The following CADM1 variants were observed in gnomAD, a reference collection of about 807,000 sequenced individuals.
CADM1 encodes cell adhesion molecule 1.
A neutral mutation model predicts 53.1 loss-of-function variants in CADM1; 15 were observed. That is an observed-to-expected ratio of 0.28 (90% CI 0.19 to 0.44). The LOEUF is 0.44. Among genes scored for constraint, CADM1 ranks in the 20% least tolerant of loss-of-function variants. The probability of loss-of-function intolerance (pLI) is 1.00; values close to 1 mark genes in which losing one functional copy is unlikely to be tolerated. For synonymous variants in CADM1, 281 were observed against 243.0 expected (o/e 1.16, Z -1.45); for missense variants, 434 against 611.3 (o/e 0.71, Z 3.06).
At chr11:115,249,846 C>G (rs1185066294) in intron 1 of CADM1, among the ~76,000 whole-genome samples, 1 of 152,182 alleles carries the variant, frequency 6.6e-6, no homozygotes, top group Non-Finnish European at 1.5e-5. Context: ...TTAATGGATA[C>G]TTCTCAATCC....
At chr11:115,228,770 G>A (rs904685108) in intron 5 of CADM1, among the ~76,000 whole-genome samples, 1 of 152,020 alleles carries the variant, frequency 6.6e-6, no homozygotes, top group Non-Finnish European at 1.5e-5. Context: ...AAAAACTTCA[G>A]TACTTATGAT....
At chr11:115,249,777 G>GA (rs1041358413) in intron 1 of CADM1, among the ~76,000 whole-genome samples, 8 of 152,068 alleles carry the variant, frequency 5.3e-5, no homozygotes, top group African/African-American at 1.9e-4. Context: ...CCAAATTAAG[G>GA]AAAAATTTAG....
At chr11:115,345,015 A>G (rs963286599) in intron 1 of CADM1, among the ~76,000 whole-genome samples, 1 of 152,252 alleles carries the variant, frequency 6.6e-6, no homozygotes. Context: ...CTCTCTCATC[A>G]AACAAAGTAT....
chr11:115,250,721 T>C (rs1942575972), intron 1 of CADM1, among the ~76,000 whole-genome samples: 2 of 152,240 alleles, frequency 1.3e-5, no homozygotes, highest in Admixed American at 6.5e-5. Context: ...GCTTCTTTTT[T>C]TTCCCTTTCT....
At chr11:115,405,960 G>T (rs1229432536) in intron 1 of CADM1, among the ~76,000 whole-genome samples, 1 of 152,188 alleles carries the variant, frequency 6.6e-6, no homozygotes, top group Non-Finnish European at 1.5e-5. Flanking sequence ...ATGTGACAAA[G>T]CTAGGCGTGG....
At chr11:115,238,390 T>C in intron 3 of CADM1, 110 bp downstream of exon 3, 1 of 1,215,822 alleles carries the variant, frequency 8.2e-7, no homozygotes, top group Non-Finnish European at 1.2e-6. Flanking sequence ...GCGGTGATTC[T>C]TCCTGAAACA....
chr11:115,297,527 A>AT lies in CADM1; in HGVS notation c.125-57108dup, dbSNP rs1395671373. 4.6e-5 allele frequency among the ~76,000 whole-genome samples: 7 copies of AT among 152,296 alleles called. No individual in the cohort carries two copies. The East Asian group carries it at 1.4e-3, about 29-fold the overall frequency. On this transcript the variant is annotated intron_variant, in intron 1 of 11. Transcript: ENST00000331581. ...TGCCAGCTAGTCAAAGCCGCTTGGC[A>AT]TTTTTTCCTGTTGATTAAGCCACAG...
intron 10 of CADM1, among the ~76,000 whole-genome samples, chr11:115,189,045 C>T (rs191525414): frequency 1.2e-4 from 18 of 152,256 alleles, no homozygotes; most frequent in Admixed American, 5.2e-4. Context: ...AAAGGCAGCC[C>T]GGCCCAGCCT....
Position 115,229,254 on chromosome 11 carries a change from C to G in CADM1, c.580G>C (p.Glu194Gln). ...TELKGKSEVE[E>Q]WSDMYTVTSQ... is the part of the protein sequence containing the mutation. ...GTCACAGTGTACATGTCTGACCACT[C>G]TTCCACCTCCGATTTGCCTGGGGAA... The change falls in exon 5 of 12, where the codon GAG (glutamate) becomes CAG (glutamine). Residue 194 changes from glutamate to glutamine, a missense_variant. Coordinates refer to ENST00000331581, the MANE Select transcript of CADM1 (RefSeq NM_001301043.2). The G allele has an allele frequency of 6.2e-7, 1 of 1,614,106 alleles. No individual in the cohort carries two copies. The highest frequency in any genetic ancestry group is 8.5e-7 in the Non-Finnish European group (1 of 1,179,972).
intron 1 of CADM1, among the ~76,000 whole-genome samples, chr11:115,310,330 G>A (rs1340746774): frequency 6.6e-6 from 1 of 151,974 alleles, no homozygotes; most frequent in Non-Finnish European, 1.5e-5. Context: ...CTTAAACAGA[G>A]TGAAAAAAAT....
intron 9 of CADM1, chr11:115,193,776 C>T (rs1204324234): frequency 6.6e-6 from 1 of 151,940 alleles, no homozygotes; most frequent in Admixed American, 6.6e-5. Flanking sequence ...AAAAACTTAG[C>T]CCACCGGCCC....
chr11:115,465,467 C>T (rs1948880277), intron 1 of CADM1, among the ~76,000 whole-genome samples: 1 of 152,050 alleles, frequency 6.6e-6, no homozygotes, highest in African/African-American at 2.4e-5. Flanking sequence ...CACAACCTTT[C>T]CCCAGGTATT....
intron 1 of CADM1, among the ~76,000 whole-genome samples, chr11:115,407,049 A>G (rs1214903434): frequency 1.3e-5 from 2 of 152,280 alleles, no homozygotes; most frequent in Admixed American, 1.3e-4. Flanking sequence ...TGTATGTACA[A>G]GAGAGGCACT....
chr11:115,352,034 C>T lies in CADM1; in HGVS notation c.125-111614G>A, dbSNP rs114682818. ...CAAAAGTCATAGACTGCTTTACATC[C>T]GCAATTCCCAATAATGCCAATAACA... is the stretch of plus-strand genomic sequence containing the variant. On this transcript the variant is annotated intron_variant, in intron 1 of 11. Coordinates refer to ENST00000331581, the MANE Select transcript of CADM1 (RefSeq NM_001301043.2). Among the ~76,000 whole-genome samples, 329 of 152,202 alleles carry T rather than the reference C, an allele frequency of 2.2e-3. 2 individuals carry two copies. The highest frequency in any genetic ancestry group is 7.1e-3 in the African/African-American group (294 of 41,520).
At chr11:115,407,545 G>A (rs529773936) in intron 1 of CADM1, among the ~76,000 whole-genome samples, 134 of 152,234 alleles carry the variant, frequency 8.8e-4, no homozygotes, top group African/African-American at 3.0e-3. Context: ...CAAAAATCCA[G>A]CCAAGAGGAC....
chr11:115,232,077 A>C (rs1941840106), intron 3 of CADM1, among the ~76,000 whole-genome samples: 1 of 152,162 alleles, frequency 6.6e-6, no homozygotes, highest in Non-Finnish European at 1.5e-5. Context: ...ATCAATATAG[A>C]TATTAGTCAC....
intron 1 of CADM1, among the ~76,000 whole-genome samples, chr11:115,402,668 G>C (rs1313652404): frequency 6.6e-6 from 1 of 152,094 alleles, no homozygotes; most frequent in Non-Finnish European, 1.5e-5. Flanking sequence ...CATGTGAACT[G>C]ATGCTCAACT....
At chr11:115,224,344 T>C (rs1032624131) in intron 5 of CADM1, among the ~76,000 whole-genome samples, 5 of 152,098 alleles carry the variant, frequency 3.3e-5, no homozygotes, top group African/African-American at 1.2e-4. Flanking sequence ...TATGGATTTA[T>C]AAAATACCTA....
rs112835318 is a variant in CADM1 at position 115,504,382 on chromosome 11, C to T, written c.13G>A (p.Val5Met). The T allele has an allele frequency of 2.6e-6, 4 of 1,546,908 alleles. No individual in the cohort carries two copies. The highest frequency in any genetic ancestry group is 3.5e-6 in the Non-Finnish European group (4 of 1,146,090). Residue 5 changes from valine (V) to methionine (M), a missense_variant, in exon 1 of 12, where the codon GTG becomes ATG. Val to Met is a conservative substitution (Grantham distance 21). This residue lies in a region of CADM1 where 76 missense variants were observed against 59.8 expected (regional missense o/e 1.27). Coordinates refer to ENST00000331581, the MANE Select transcript of CADM1 (RefSeq NM_001301043.2). Reference sequence around the variant, plus strand: ...GCACACTGGGATCCGCTCGGCAGCACTACACTCGCCATGTCGGGCACCTGC... The same window carrying T: ...GCACACTGGGATCCGCTCGGCAGCATTACACTCGCCATGTCGGGCACCTGC... MASV[V>M]LPSGSQCAAA...
Sources: allele counts gnomAD v4.1 joint callset (sites outside exome capture counted in the v4.1 genomes callset), GRCh38; gene constraint gnomAD v4.1.1; regional missense constraint gnomAD v4.1.1; transcripts MANE v1.5; gene names NCBI Gene and HGNC (gene_info 2026-07-23, HGNC 2026-07-21).